SYNPO: variants seen among roughly 807,000 people sequenced by gnomAD.
SYNPO encodes synaptopodin.
In SYNPO, 19 loss-of-function variants were observed where a neutral mutation model predicts 49.5. The ratio of observed to expected loss-of-function variants is 0.38; its 90% CI spans 0.27 to 0.56. SYNPO has a LOEUF of 0.56. SYNPO is among the 20% of genes least tolerant of loss of function. SYNPO has a pLI of 0.68. For missense variants in SYNPO, 1,131 were observed against 1,248.3 expected, an observed-to-expected ratio of 0.91 and a Z score of 1.42; for synonymous variants, 536 against 548.0, an observed-to-expected ratio of 0.98 and a Z score of 0.31.
intron 2 of SYNPO, chr5:150,653,102 T>C (rs972593609): frequency 1.3e-5 from 2 of 152,194 alleles, no homozygotes; most frequent in Non-Finnish European, 2.9e-5. Flanking sequence ...ACTTTTTGAA[T>C]TTTCACCCAC....
chr5:150,633,216 C>G (rs146310876), intron 2 of SYNPO, among the ~76,000 whole-genome samples: 1 of 152,168 alleles, frequency 6.6e-6, no homozygotes, highest in African/African-American at 2.4e-5. Context: ...GTATAGGTTT[C>G]AGGCCTTTGC....
At chr5:150,595,566 G>T in the SYNPO span, among the ~76,000 whole-genome samples, 6 of 152,200 alleles carry the variant, frequency 3.9e-5, no homozygotes, top group Non-Finnish European at 7.3e-5. Flanking sequence ...TAGGGGCCTG[G>T]GGACAGGCAG....
upstream of SYNPO, among the ~76,000 whole-genome samples, chr5:150,639,934 C>T (rs577383235): frequency 9.2e-5 from 14 of 152,158 alleles, no homozygotes; most frequent in Middle Eastern, 3.2e-3. Flanking sequence ...GCATGGCCCA[C>T]GTGACTGGCC....
Position 150,649,601 on chromosome 5 carries a change from C to A in SYNPO, c.1326C>A (p.Pro442=). The A allele has an allele frequency of 2.5e-6, 4 of 1,609,504 alleles. No individual in the cohort carries two copies. Among genetic ancestry groups the A allele is most frequent in the Non-Finnish European group, 2.5e-6 (3 of 1,179,010 alleles). ...CAGCACCTCGTGACAGGGCCAGCCC[C>A]GCGGCGGCGGAGGAGGTGGTACCAG... The part of the protein sequence containing the change: ...QEPAPRDRAS[P]AAAEEVVPEW... Residue 442 remains proline, a synonymous_variant, in exon 2 of 3, where the codon CCC becomes CCA. Transcript: ENST00000307662.
At chr5:150,595,858 C>G in the SYNPO span, among the ~76,000 whole-genome samples, 6 of 151,462 alleles carry the variant, frequency 4.0e-5, no homozygotes, top group East Asian at 3.9e-4. Flanking sequence ...CCCCACCCCC[C>G]CAGCTGGCTG....
At position 150,657,275 on chromosome 5, in the gene SYNPO, G is replaced by A. The variant is rs959014681; in HGVS notation, c.*188G>A. 1.5e-5 allele frequency: 10 copies of A among 656,730 alleles called. No homozygotes were observed. The highest frequency in any genetic ancestry group is 2.3e-5 in the Non-Finnish European group (9 of 392,598). The allele number at this position is 656,730 out of a possible 1,614,324, so 40.7% of individuals were successfully genotyped here. On this transcript the variant is annotated 3_prime_UTR_variant, in exon 3 of 3. Transcript: ENST00000307662. ...TAGCCCTTGCTCTCATTCAGCTGTT[G>A]TGTGACCCTGGGTAAGACCCTTCCT...
At chr5:150,624,205 C>T (rs948034530) in intron 2 of SYNPO, among the ~76,000 whole-genome samples, 1 of 152,294 alleles carries the variant, frequency 6.6e-6, no homozygotes, top group Admixed American at 6.5e-5. Context: ...CTTCTCAGTG[C>T]CCATTTGCCT....
At chr5:150,591,935 G>A in the SYNPO span, among the ~76,000 whole-genome samples, 5 of 152,284 alleles carry the variant, frequency 3.3e-5, no homozygotes, top group East Asian at 9.7e-4. Flanking sequence ...GGAGGCCGAG[G>A]TGGGTGAATC....
At position 150,656,930 on chromosome 5, in the gene SYNPO, G is replaced by A; in HGVS notation, c.2555G>A (p.Arg852His). Reference protein sequence around the residue: ...LPAPPRPFLYRRSPTDSDVSL... With the variant: ...LPAPPRPFLYHRSPTDSDVSL... ...GCGCCTCCCAGGCCCTTCCTCTACC[G>A]CCGCTCGCCCACGGACTCCGACGTG... is the stretch of plus-strand genomic sequence containing the variant. Residue 852 changes from arginine (R) to histidine (H), a missense_variant, in exon 3 of 3, where the codon CGC becomes CAC. By Grantham distance (29) the Arg-to-His change is conservative. Coordinates refer to ENST00000307662, the MANE Select transcript of SYNPO (RefSeq NM_007286.6). The A allele has an allele frequency of 1.3e-6, 2 of 1,581,056 alleles. No homozygotes were observed. Among genetic ancestry groups the A allele is most frequent in the Non-Finnish European group, 1.7e-6 (2 of 1,164,496 alleles).
At chr5:150,608,488 C>T (rs1396276096) in intron 1 of SYNPO, 1 of 152,158 alleles carries the variant, frequency 6.6e-6, no homozygotes, top group Non-Finnish European at 1.5e-5. Context: ...AGAGCCTCTC[C>T]TCCCATGGTT....
the SYNPO span, among the ~76,000 whole-genome samples, chr5:150,591,243 C>T: frequency 2.6e-5 from 4 of 152,210 alleles, no homozygotes; most frequent in East Asian, 1.9e-4. Context: ...AAGTCCCTGG[C>T]GGCTGCCTCC....
intron 1 of SYNPO, chr5:150,618,002 A>AAAT (rs1757028457): frequency 1.7e-5 from 3 of 181,392 alleles, no homozygotes; most frequent in African/African-American, 7.0e-5. Context: ...AATGCCGACC[A>AAAT]GTTCTCAGGG....
intron 1 of SYNPO, chr5:150,608,364 T>C (rs1344982314): frequency 6.6e-6 from 1 of 152,200 alleles, no homozygotes; most frequent in African/African-American, 2.4e-5. Flanking sequence ...TCCATCTTCC[T>C]GGCTGGCCAG....
At chr5:150,615,430 C>T (rs1381349463) in intron 1 of SYNPO, 1 of 152,306 alleles carries the variant, frequency 6.6e-6, no homozygotes, top group Non-Finnish European at 1.5e-5. Context: ...CCTGCCCCCT[C>T]CCCACGCCCA....
At chr5:150,611,794 C>T (rs1408698476) in intron 1 of SYNPO, among the ~76,000 whole-genome samples, 3 of 152,190 alleles carry the variant, frequency 2.0e-5, no homozygotes, top group Non-Finnish European at 4.4e-5. Context: ...GGACTGACTA[C>T]CCCAACTGGA....
chr5:150,613,111 G>A (rs574453535), intron 1 of SYNPO, among the ~76,000 whole-genome samples: 39 of 152,274 alleles, frequency 2.6e-4, no homozygotes, highest in African/African-American at 9.1e-4. Flanking sequence ...TGTGCCAGCT[G>A]CTGAAGAAAT....
chr5:150,620,025 G>A lies in SYNPO; in HGVS notation c.400+1258G>A, dbSNP rs559930427. On this transcript the variant is annotated intron_variant, in intron 2 of 2. Coordinates refer to the SYNPO transcript ENST00000394243. ...AGTCTCCTACAGTCTGAAGTTCCCA[G>A]GACCTGCTCCCATCCCTCTCACGGG... Among the ~76,000 whole-genome samples, 162 of 152,236 alleles carry A rather than the reference G, an allele frequency of 1.1e-3. 1 individual carries two copies. Among genetic ancestry groups the A allele is most frequent in the Middle Eastern group, 3.4e-3 (1 of 292 alleles).
At chr5:150,620,072 A>G (rs1757104782) in intron 2 of SYNPO, among the ~76,000 whole-genome samples, 1 of 152,206 alleles carries the variant, frequency 6.6e-6, no homozygotes, top group Admixed American at 6.5e-5. Context: ...GTCAGGAGAC[A>G]TAGATGCTTT....
the SYNPO span, among the ~76,000 whole-genome samples, chr5:150,593,657 G>T: frequency 6.6e-6 from 1 of 152,130 alleles, no homozygotes; most frequent in African/African-American, 2.4e-5. Flanking sequence ...ATGGGGTTTT[G>T]CCTCACTGCC....
Sources: allele counts gnomAD v4.1 joint callset (sites outside exome capture counted in the v4.1 genomes callset), GRCh38; gene constraint gnomAD v4.1.1; transcripts MANE v1.5; gene names NCBI Gene and HGNC (gene_info 2026-07-23, HGNC 2026-07-21).